Variants in ST3GAL3 observed in about 807,000 individuals in gnomAD.
The protein encoded by ST3GAL3 is ST3 beta-galactoside alpha-2,3-sialyltransferase 3.
ST3GAL3 carries 21 observed loss-of-function variants against 50.1 expected under a neutral mutation model. The ratio of observed to expected loss-of-function variants is 0.42; its 90% CI spans 0.30 to 0.60. The LOEUF is 0.60. Among genes scored for constraint, ST3GAL3 ranks in the 20% least tolerant of loss-of-function variants. The probability of loss-of-function intolerance (pLI) is 0.19; values close to 1 mark genes in which losing one functional copy is unlikely to be tolerated. For missense variants in ST3GAL3, 353 were observed against 489.4 expected (o/e 0.72, Z 2.63); for synonymous variants, 183 against 190.0 (o/e 0.96, Z 0.30).
chr1:43,714,704 A>G (rs190494068), intron 1 of ST3GAL3, among the ~76,000 whole-genome samples: 214 of 152,352 alleles, frequency 1.4e-3, no homozygotes, highest in Admixed American at 4.1e-3. Context: ...GTGTGTGACC[A>G]TAATATACTC....
intron 2 of ST3GAL3, among the ~76,000 whole-genome samples, chr1:43,769,958 T>TA (rs1302093237): frequency 6.6e-6 from 1 of 152,158 alleles, no homozygotes; most frequent in Non-Finnish European, 1.5e-5. Context: ...AGTACAGAAT[T>TA]ACACTGATTA....
chr1:43,924,203 A>C (rs2083514997), intron 11 of ST3GAL3, among the ~76,000 whole-genome samples: 1 of 152,090 alleles, frequency 6.6e-6, no homozygotes, highest in African/African-American at 2.4e-5. Flanking sequence ...CAGGAGTGAG[A>C]AGCTCATTGT....
chr1:43,930,231 G>A lies in ST3GAL3; in HGVS notation c.*10G>A. Reference sequence around the variant, plus strand: ...AAGCAGTGGCATCTGAGTGGGCCCAGCACATGGCCATAGAGGCCCAGGCAC... The same window carrying A: ...AAGCAGTGGCATCTGAGTGGGCCCAACACATGGCCATAGAGGCCCAGGCAC... On this transcript the variant is annotated 3_prime_UTR_variant, in exon 12 of 12. Transcript: ENST00000347631. 6.2e-7 allele frequency: 1 copy of A among 1,612,638 alleles called. No individual in the cohort carries two copies. The highest frequency in any genetic ancestry group is 8.5e-7 in the Non-Finnish European group (1 of 1,179,648).
At chr1:43,741,368 T>G (rs930101450) in intron 2 of ST3GAL3, among the ~76,000 whole-genome samples, 1 of 152,212 alleles carries the variant, frequency 6.6e-6, no homozygotes, top group Admixed American at 6.5e-5. Flanking sequence ...TTCATGCTAC[T>G]GTGTTTATCA....
intron 5 of ST3GAL3, among the ~76,000 whole-genome samples, chr1:43,886,701 A>G (rs2076037410): frequency 6.6e-6 from 1 of 152,188 alleles, no homozygotes; most frequent in Non-Finnish European, 1.5e-5. Context: ...AGTAAAATCT[A>G]GATTGCATTA....
At chr1:43,761,677 G>C (rs187982808) in intron 2 of ST3GAL3, among the ~76,000 whole-genome samples, 2 of 151,936 alleles carry the variant, frequency 1.3e-5, no homozygotes, top group Non-Finnish European at 2.9e-5. Context: ...TGGGCCGGGC[G>C]CGGTGGCTCA....
intron 2 of ST3GAL3, among the ~76,000 whole-genome samples, chr1:43,749,221 C>G (rs932700259): frequency 2.0e-5 from 3 of 152,116 alleles, no homozygotes; most frequent in Non-Finnish European, 4.4e-5. Context: ...GATCGTAGAC[C>G]TAAGTGTAAA....
chr1:43,886,804 G>C (rs1033553295), intron 5 of ST3GAL3, among the ~76,000 whole-genome samples: 2 of 152,216 alleles, frequency 1.3e-5, no homozygotes, highest in African/African-American at 4.8e-5. Context: ...AGAGAGGCTG[G>C]TAGCTAAAGC....
At chr1:43,782,617 C>T (rs1180798527) in intron 2 of ST3GAL3, among the ~76,000 whole-genome samples, 1 of 152,180 alleles carries the variant, frequency 6.6e-6, no homozygotes, top group African/African-American at 2.4e-5. Flanking sequence ...ACTTCAGCCA[C>T]ACTGTCATCA....
At chr1:43,711,223 G>T (rs375145917) in intron 1 of ST3GAL3, among the ~76,000 whole-genome samples, 6 of 152,332 alleles carry the variant, frequency 3.9e-5, no homozygotes, top group African/African-American at 1.4e-4. Flanking sequence ...TCCAGCATGA[G>T]TGTACAGGAA....
chr1:43,708,726 A>G (rs1358101314), intron 1 of ST3GAL3, among the ~76,000 whole-genome samples: 1 of 152,262 alleles, frequency 6.6e-6, no homozygotes, highest in Admixed American at 6.5e-5. Context: ...ATTTTGAGAT[A>G]TTAAGTGGTG....
rs974857814 is a variant in ST3GAL3, at chr1:43,800,028, C to T, written c.166+7879C>T. Among the ~76,000 whole-genome samples the T allele has an allele frequency of 5.8e-4, 88 of 152,220 alleles. 1 individual carries two copies. The highest frequency in any genetic ancestry group is 2.1e-3 in the African/African-American group (87 of 41,542). ...GGGCTTCCAGGGCTCCTTCTGTAGC[C>T]TGTGATTCTCTTACCTGGGGCCAAG... On this transcript the variant is annotated intron_variant, in intron 3 of 11. Coordinates refer to ENST00000347631, the MANE Select transcript of ST3GAL3 (RefSeq NM_006279.5).
intron 5 of ST3GAL3, chr1:43,839,588 A>G (rs2065015091): frequency 6.6e-6 from 1 of 152,280 alleles, no homozygotes; most frequent in Admixed American, 6.5e-5. Context: ...GAGACAGCCA[A>G]TATTACCAAA....
At chr1:43,928,170 A>T (rs2084355207) in intron 11 of ST3GAL3, among the ~76,000 whole-genome samples, 1 of 152,212 alleles carries the variant, frequency 6.6e-6, no homozygotes, top group Non-Finnish European at 1.5e-5. Context: ...ATTATTTTTC[A>T]AAAGATGGGG....
intron 4 of ST3GAL3, among the ~76,000 whole-genome samples, chr1:43,826,936 A>G (rs965238054): frequency 2.6e-5 from 4 of 152,214 alleles, no homozygotes; most frequent in African/African-American, 9.6e-5. Context: ...AACTATGAGT[A>G]GAGGGGAACT....
At chr1:43,877,737 T>C (rs928058372) in intron 5 of ST3GAL3, among the ~76,000 whole-genome samples, 1 of 152,166 alleles carries the variant, frequency 6.6e-6, no homozygotes, top group African/African-American at 2.4e-5. Context: ...GCCTTTTCTT[T>C]ATAAAACCTG....
At chr1:43,912,293 AAGGAG>A (rs1412172789) in intron 9 of ST3GAL3, 1 of 152,190 alleles carries the variant, frequency 6.6e-6, no homozygotes, top group Non-Finnish European at 1.5e-5. Flanking sequence ...AAACACTATA[AAGGAG>A]AGCTAGTATT....
chr1:43,895,582 A>G (rs904019052), intron 6 of ST3GAL3, among the ~76,000 whole-genome samples: 1 of 152,198 alleles, frequency 6.6e-6, no homozygotes, highest in Non-Finnish European at 1.5e-5. Flanking sequence ...ATTACATAAA[A>G]TAACTGCTAA....
At chr1:43,719,052 TTC>T (rs1668977897) in intron 1 of ST3GAL3, 1 of 152,230 alleles carries the variant, frequency 6.6e-6, no homozygotes, top group African/African-American at 2.4e-5. Context: ...TACTCTTCTG[TTC>T]TCTGTTTTTA....
Sources: allele counts gnomAD v4.1 joint callset (sites outside exome capture counted in the v4.1 genomes callset), GRCh38; gene constraint gnomAD v4.1.1; transcripts MANE v1.5; gene names NCBI Gene and HGNC (gene_info 2026-07-23, HGNC 2026-07-21).